Variants in FRAS1 observed in about 807,000 individuals in gnomAD.
FRAS1 encodes the protein Fraser extracellular matrix complex subunit 1.
In FRAS1, 290 loss-of-function variants were observed where a neutral mutation model predicts 435.2. The observed-to-expected ratio is 0.67, with a 90% CI of 0.61 to 0.73. FRAS1 has a LOEUF of 0.73. Ranked by LOEUF, FRAS1 falls within the 30% of genes least tolerant of loss-of-function variation. FRAS1 has a pLI of 0.00. For missense variants in FRAS1, 4,860 were observed against 5,001.5 expected, an observed-to-expected ratio of 0.97 and a Z score of 0.85; for synonymous variants, 1,800 against 1,851.0, an observed-to-expected ratio of 0.97 and a Z score of 0.71.
intron 2 of FRAS1, among the ~76,000 whole-genome samples, chr4:78,149,793 G>A (rs940657420): frequency 2.6e-5 from 4 of 152,158 alleles, no homozygotes; most frequent in Non-Finnish European, 5.9e-5. Flanking sequence ...ATGTTGCCTG[G>A]AGGAGGCTCA....
chr4:78,133,467 A>G (rs1267910583), intron 2 of FRAS1, among the ~76,000 whole-genome samples: 1 of 152,128 alleles, frequency 6.6e-6, no homozygotes, highest in Non-Finnish European at 1.5e-5. Context: ...AGCACAATAG[A>G]GTCACTATGG....
intron 2 of FRAS1, among the ~76,000 whole-genome samples, chr4:78,148,019 C>T (rs112119862): frequency 6.4e-4 from 98 of 152,218 alleles, no homozygotes; most frequent in African/African-American, 1.8e-3. Context: ...TTAAAAGCAG[C>T]TTTGTTGTCT....
intron 3 of FRAS1, among the ~76,000 whole-genome samples, chr4:78,237,940 T>C (rs1335572469): frequency 6.6e-6 from 1 of 152,174 alleles, no homozygotes; most frequent in Non-Finnish European, 1.5e-5. Context: ...AGATGAGGAA[T>C]GTGAAGCCTG....
rs556337726 is a variant in FRAS1 at position 78,146,018 on chromosome 4, A to T, written c.108+80002A>T. On this transcript the variant is annotated intron_variant, in intron 2 of 73. Transcript: ENST00000512123. Reference sequence around the variant, plus strand: ...CCATGCAGAACTGTGAGTCAGTTAAAACTCTTTTCTTTATAAATTACCCAG... The same window carrying T: ...CCATGCAGAACTGTGAGTCAGTTAATACTCTTTTCTTTATAAATTACCCAG... 4.6e-5 allele frequency among the ~76,000 whole-genome samples: 7 copies of T among 152,292 alleles called. No homozygotes were observed. The South Asian group carries it at 1.5e-3, about 32-fold the overall frequency.
intron 2 of FRAS1, among the ~76,000 whole-genome samples, chr4:78,199,096 C>G (rs1030224618): frequency 2.0e-5 from 3 of 152,132 alleles, no homozygotes; most frequent in African/African-American, 7.2e-5. Flanking sequence ...TTATTGAGAG[C>G]AGGAACAATT....
In FRAS1 at chr4:78,301,858, T is replaced by TG. The variant is rs1216104418; in HGVS notation, c.1535-6208_1535-6207insG. Among the ~76,000 whole-genome samples, 1,009 of 150,066 alleles carry TG rather than the reference T, an allele frequency of 6.7e-3. 10 individuals carry two copies. The highest frequency in any genetic ancestry group is 0.023 in the African/African-American group (939 of 40,510). ...GCCCACAGAAACAGTTTTTTTTTTT[T>TG]TTTTTTTTTTTATACTTTAAGTTTT... On this transcript the variant is annotated intron_variant, in intron 14 of 73. Coordinates refer to ENST00000512123, the MANE Select transcript of FRAS1 (RefSeq NM_025074.7).
chr4:78,466,157 T>G (rs543370644), intron 49 of FRAS1, 51 bp from the exon 50 acceptor site: 2 of 1,497,988 alleles, frequency 1.3e-6, no homozygotes, highest in Admixed American at 1.7e-5. Context: ...CTCACTCTTT[T>G]GGTTTCTGTT....
chr4:78,261,389 C>T (rs777654252), intron 6 of FRAS1, among the ~76,000 whole-genome samples: 1 of 152,014 alleles, frequency 6.6e-6, no homozygotes, highest in African/African-American at 2.4e-5. Flanking sequence ...AGTGTTACTC[C>T]TTTGTCTTTG....
intron 9 of FRAS1, among the ~76,000 whole-genome samples, chr4:78,276,821 G>A (rs11098130): frequency 0.95 from 143,952 of 152,268 alleles, 68,443 homozygotes; most frequent in Non-Finnish European, 1. Flanking sequence ...GTGCTTGGAG[G>A]ACCACTTTTC....
chr4:78,286,327 T>C (rs151008427), intron 13 of FRAS1, 78 bp from the exon 14 acceptor site: 349 of 1,549,438 alleles, frequency 2.3e-4, no homozygotes, highest in Non-Finnish European at 2.8e-4. Context: ...TTGGGCTGTG[T>C]AAGCACTGGC....
At chr4:78,206,474 T>A (rs1169573633) in intron 2 of FRAS1, among the ~76,000 whole-genome samples, 1 of 152,176 alleles carries the variant, frequency 6.6e-6, no homozygotes, top group Admixed American at 6.5e-5. Context: ...CATTTTTTGG[T>A]GTTTTCAGCC....
At chr4:78,232,797 T>C (rs1724573955) in intron 2 of FRAS1, among the ~76,000 whole-genome samples, 1 of 152,194 alleles carries the variant, frequency 6.6e-6, no homozygotes, top group African/African-American at 2.4e-5. Flanking sequence ...AACTCAGGGT[T>C]GATTATTAAT....
At chr4:78,114,064 A>T (rs1306248348) in intron 2 of FRAS1, among the ~76,000 whole-genome samples, 1 of 152,184 alleles carries the variant, frequency 6.6e-6, no homozygotes, top group African/African-American at 2.4e-5. Context: ...CAGTTTTCCC[A>T]GCACCATTTA....
intron 2 of FRAS1, among the ~76,000 whole-genome samples, chr4:78,148,901 T>C (rs887857842): frequency 6.6e-6 from 1 of 152,192 alleles, no homozygotes; most frequent in African/African-American, 2.4e-5. Context: ...GACTTTTGTC[T>C]TATCAAGTGA....
intron 15 of FRAS1, among the ~76,000 whole-genome samples, chr4:78,312,138 G>T (rs1729048635): frequency 6.9e-6 from 1 of 144,710 alleles, no homozygotes; most frequent in Non-Finnish European, 1.5e-5. Context: ...CTATTAATTT[G>T]ATGTTTTATC....
chr4:78,489,806 C>T (rs188496378), intron 59 of FRAS1, among the ~76,000 whole-genome samples: 1 of 151,752 alleles, frequency 6.6e-6, no homozygotes, highest in African/African-American at 2.4e-5. Context: ...AGGAGGCAGC[C>T]GTCTAATACC....
At chr4:78,116,372 T>G (rs528082774) in intron 2 of FRAS1, among the ~76,000 whole-genome samples, 24 of 152,294 alleles carry the variant, frequency 1.6e-4, no homozygotes, top group African/African-American at 5.8e-4. Flanking sequence ...TGAGTTTAAT[T>G]CCTGGATATC....
At chr4:78,285,632 G>T (rs7687027) in intron 13 of FRAS1, among the ~76,000 whole-genome samples, 1 of 151,702 alleles carries the variant, frequency 6.6e-6, no homozygotes, top group African/African-American at 2.4e-5. Flanking sequence ...GGGTTTTGCC[G>T]TGTTGGCCAG....
chr4:78,151,987 A>G (rs112440767), intron 2 of FRAS1, among the ~76,000 whole-genome samples: 386 of 152,270 alleles, frequency 2.5e-3, no homozygotes, highest in African/African-American at 8.9e-3. Context: ...TTCTTTTGCA[A>G]TAATCGTATT....
Sources: gnomAD v4.1 joint callset for allele counts (sites outside exome capture counted in the v4.1 genomes callset) on GRCh38, gnomAD v4.1.1 for gene constraint, MANE v1.5 for transcripts, NCBI Gene and HGNC (gene_info 2026-07-23, HGNC 2026-07-21) for gene names.